Variants in ATP13A5 observed in about 807,000 individuals in gnomAD.
ATP13A5 encodes the protein ATPase 13A5, also known as probable cation-transporting ATPase 13A5.
In ATP13A5, 149 loss-of-function variants were observed where a neutral mutation model predicts 150.2. The observed-to-expected ratio is 0.99, with a 90% CI of 0.87 to 1.14. The LOEUF (loss-of-function observed/expected upper bound fraction) is 1.14, where lower values mean the gene tolerates loss of function less well. ATP13A5 is among the 50% of genes most tolerant of loss of function. ATP13A5 has a pLI of 0.00. For missense variants in ATP13A5, 1,383 were observed against 1,449.3 expected (o/e 0.95, Z 0.74); for synonymous variants, 497 against 522.2 (o/e 0.95, Z 0.66).
At chr3:193,318,703 G>T (rs753103224) in intron 17 of ATP13A5, among the ~76,000 whole-genome samples, 3 of 152,058 alleles carry the variant, frequency 2.0e-5, no homozygotes, top group Non-Finnish European at 4.4e-5. Context: ...TGAGAGCTGC[G>T]ACTAAAGTTG....
intron 1 of ATP13A5, among the ~76,000 whole-genome samples, chr3:193,369,159 G>A (rs1217954060): frequency 3.3e-5 from 5 of 152,090 alleles, no homozygotes; most frequent in Non-Finnish European, 5.9e-5. Context: ...TGGGAGGATC[G>A]CTTGAGCCCA....
intron 27 of ATP13A5, chr3:193,281,099 A>G (rs2108817002): frequency 1.3e-6 from 1 of 744,818 alleles, no homozygotes; most frequent in Middle Eastern, 6.6e-4. Context: ...ACAGAAGAAA[A>G]GTAGGAATTG....
chr3:193,290,785 C>T (rs909622805), intron 25 of ATP13A5, among the ~76,000 whole-genome samples: 9 of 152,062 alleles, frequency 5.9e-5, no homozygotes, highest in Middle Eastern at 3.2e-3. Flanking sequence ...TTTAAAAAGA[C>T]GACTACATCC....
intron 23 of ATP13A5, 91 bp downstream of exon 23, chr3:193,305,468 T>G: frequency 9.7e-7 from 1 of 1,032,610 alleles, no homozygotes; most frequent in Non-Finnish European, 1.5e-6. Flanking sequence ...TGTTGCAGCA[T>G]TTATCACTTT....
chr3:193,312,993 TA>T (rs1718912236), intron 19 of ATP13A5: 1 of 152,154 alleles, frequency 6.6e-6, no homozygotes, highest in African/African-American at 2.4e-5. Flanking sequence ...TGGTGGGGAC[TA>T]AAATTTCAGC....
At chr3:193,366,116 G>A (rs150082244) in intron 1 of ATP13A5, among the ~76,000 whole-genome samples, 1 of 152,176 alleles carries the variant, frequency 6.6e-6, no homozygotes, top group East Asian at 1.9e-4. Context: ...TAATGGTTCA[G>A]TAAGTTGTGA....
chr3:193,361,224 G>A (rs1330553808), intron 5 of ATP13A5, among the ~76,000 whole-genome samples: 1 of 152,140 alleles, frequency 6.6e-6, no homozygotes, highest in East Asian at 1.9e-4. Context: ...TTGTGACAAT[G>A]TTTTGAGCAT....
At chr3:193,295,767 A>T (rs1718144870) in intron 25 of ATP13A5, among the ~76,000 whole-genome samples, 1 of 152,142 alleles carries the variant, frequency 6.6e-6, no homozygotes, top group African/African-American at 2.4e-5. Context: ...TTGGTTATTT[A>T]ACTATAAGCA....
In ATP13A5 at chr3:193,362,651, T is replaced by C. The variant is rs375591875; in HGVS notation, c.385-14A>G. 1.9e-6 allele frequency: 3 copies of C among 1,613,386 alleles called. No homozygotes were observed. Among genetic ancestry groups the C allele is most frequent in the African/African-American group, 2.7e-5 (2 of 74,938 alleles). ...CATGCACCGCAGCTACGATTGCAAA[T>C]GTGATAGAGCAGGTGTCATTCACAG... On this transcript the variant is annotated splice_polypyrimidine_tract_variant and intron_variant, in intron 3 of 29. Transcript: ENST00000342358.
chr3:193,351,006 C>T (rs1443279138), intron 7 of ATP13A5, 61 bp downstream of exon 7: 37 of 1,585,180 alleles, frequency 2.3e-5, no homozygotes, highest in Non-Finnish European at 3.2e-5. Flanking sequence ...GTGGAAATAC[C>T]ATGGGCTTTA....
chr3:193,340,320 A>G (rs909629308), intron 9 of ATP13A5, among the ~76,000 whole-genome samples: 1 of 152,202 alleles, frequency 6.6e-6, no homozygotes, highest in African/African-American at 2.4e-5. Context: ...TGGTGACACC[A>G]ATACGCAACA....
chr3:193,301,778 G>C (rs1337553554), intron 23 of ATP13A5, among the ~76,000 whole-genome samples: 1 of 152,136 alleles, frequency 6.6e-6, no homozygotes, highest in Non-Finnish European at 1.5e-5. Flanking sequence ...CTAAAGGATA[G>C]GTGCTTTGAC....
At chr3:193,368,070 G>C (rs1331844006) in intron 1 of ATP13A5, among the ~76,000 whole-genome samples, 1 of 151,966 alleles carries the variant, frequency 6.6e-6, no homozygotes, top group Admixed American at 6.6e-5. Flanking sequence ...AGATAATGTG[G>C]AAAAATATCC....
intron 16 of ATP13A5, among the ~76,000 whole-genome samples, chr3:193,320,819 G>A (rs768069293): frequency 1.6e-4 from 25 of 152,254 alleles, no homozygotes; most frequent in African/African-American, 2.4e-4. Flanking sequence ...TCTGGCTGCC[G>A]CTTAAAGAGT....
In ATP13A5 at chr3:193,297,899, G is replaced by T. The variant is rs1718236875; in HGVS notation, c.2848+1232C>A. On this transcript the variant is annotated intron_variant, in intron 25 of 29. Transcript: ENST00000342358. Reference sequence around the variant, plus strand: ...ACTAGGAAGATCATCCATGTTTTTGGATTTCTAATGACACTGGTCTATCTG... The same window carrying T: ...ACTAGGAAGATCATCCATGTTTTTGTATTTCTAATGACACTGGTCTATCTG... Among the ~76,000 whole-genome samples, 3 of 152,096 alleles carry T rather than the reference G, an allele frequency of 2.0e-5. No individual in the cohort carries two copies. The South Asian group carries it at 6.2e-4, about 32-fold the overall frequency.
In ATP13A5 at chr3:193,364,261, T is replaced by C. The variant is rs759282014; in HGVS notation, c.83A>G (p.Asp28Gly). ...GCAGAAGGCTTTCCGTACATTGTGG[T>C]CCCGGTAACCAAACACCTCCTGGAG... ...EDELEVFGYR[D>G]HNVRKAFCLV... Residue 28 changes from aspartate to glycine, a missense_variant, in exon 2 of 30, where the codon GAC (aspartate) becomes GGC (glycine). Around this residue, in one of 3 missense-constraint regions of ATP13A5, gnomAD observed 787 missense variants for 771.9 expected, o/e 1.02. Coordinates refer to ENST00000342358, the MANE Select transcript of ATP13A5 (RefSeq NM_198505.4). 19 of 1,613,606 alleles carry C rather than the reference T, an allele frequency of 1.2e-5. No homozygotes were observed. The highest frequency in any genetic ancestry group is 1.6e-5 in the Non-Finnish European group (19 of 1,179,766).
intron 16 of ATP13A5, among the ~76,000 whole-genome samples, chr3:193,319,555 G>A (rs1253051803): frequency 1.3e-5 from 2 of 152,156 alleles, no homozygotes; most frequent in Non-Finnish European, 2.9e-5. Context: ...AACCACGTTG[G>A]GCAACACCTC....
At chr3:193,279,974 G>A (rs368809847) in intron 27 of ATP13A5, among the ~76,000 whole-genome samples, 1 of 4,870 alleles carries the variant, frequency 2.1e-4, no homozygotes, top group Non-Finnish European at 3.8e-4. Flanking sequence ...CTGTGTCTTT[G>A]TTAAAAAAAA....
At chr3:193,364,564 T>G (rs189566853) in intron 1 of ATP13A5, among the ~76,000 whole-genome samples, 1 of 152,296 alleles carries the variant, frequency 6.6e-6, no homozygotes, top group Admixed American at 6.5e-5. Context: ...ACCTCAGATT[T>G]TTATAAAATA....
Sources: gnomAD v4.1 joint callset for allele counts (sites outside exome capture counted in the v4.1 genomes callset) on GRCh38, gnomAD v4.1.1 for gene constraint, gnomAD v4.1.1 regional missense constraint, MANE v1.5 for transcripts, NCBI Gene and HGNC (gene_info 2026-07-23, HGNC 2026-07-21) for gene names.